The following NRDE2 variants were observed in gnomAD, a reference collection of about 807,000 sequenced individuals.
The protein encoded by NRDE2 is NRDE-2, necessary for RNA interference, domain containing, also known as nuclear exosome regulator NRDE2.
Under a neutral mutation model 124.2 loss-of-function variants are expected in NRDE2, and 76 were observed. The ratio of observed to expected loss-of-function variants is 0.61; its 90% CI spans 0.51 to 0.74. NRDE2 has a LOEUF of 0.74. NRDE2 is among the 30% of genes least tolerant of loss of function. The pLI is 0.00. For missense variants in NRDE2, 1,314 were observed against 1,417.3 expected (o/e 0.93, Z 1.17); for synonymous variants, 489 against 528.1 (o/e 0.93, Z 1.01).
At position 90,303,849 on chromosome 14, in the gene NRDE2, G is replaced by T. The variant is rs1386667992; in HGVS notation, c.1005+86C>A. On this transcript the variant is annotated intron_variant, in intron 5 of 13. Transcript: ENST00000354366. ...TGCCCAGTGTCAAATTTCCTCATTT[G>T]CTCAAAAATTGCTGCACAGTCCATC... 10 of 1,209,366 alleles carry T rather than the reference G, an allele frequency of 8.3e-6. No individual in the cohort carries two copies. The Admixed American group carries it at 1.6e-4, about 19-fold the overall frequency. 74.9% of individuals were successfully genotyped at this position (1,209,366 alleles called of 1,614,324 possible). A position where few individuals can be genotyped will look rare whatever the true frequency, so the allele number is the denominator to read the frequency against.
intron 4 of NRDE2, among the ~76,000 whole-genome samples, chr14:90,308,088 T>C (rs553870225): frequency 6.6e-6 from 1 of 152,158 alleles, no homozygotes; most frequent in Non-Finnish European, 1.5e-5. Context: ...GTCTGCCATA[T>C]AGTAAGGGTT....
At chr14:90,307,648 G>A (rs577200864) in intron 4 of NRDE2, among the ~76,000 whole-genome samples, 1 of 152,196 alleles carries the variant, frequency 6.6e-6, no homozygotes, top group South Asian at 2.1e-4. Flanking sequence ...GGCCAAGGTG[G>A]GCGGATCACA....
At position 90,288,837 on chromosome 14, in the gene NRDE2, A is replaced by G; in HGVS notation, c.2538T>C (p.Ala846=). ...CAGTCAGCTTGGTTAATATGTGAAC[A>G]GCTCGAGCTGTGGCAGCCCTTCTCA... ...PEVRRAATAR[A]VHILTKLTES... Residue 846 remains alanine, a synonymous_variant, in exon 11 of 14, where the codon GCT becomes GCC. Coordinates refer to ENST00000354366, the MANE Select transcript of NRDE2 (RefSeq NM_017970.4). The G allele has an allele frequency of 1.2e-6, 2 of 1,614,138 alleles. No homozygotes were observed. The highest frequency in any genetic ancestry group is 1.7e-6 in the Non-Finnish European group (2 of 1,180,030).
rs748457605 is a variant in NRDE2 at position 90,304,075 on chromosome 14, G to C, written c.865C>G (p.Pro289Ala). 13 of 1,614,208 alleles carry C rather than the reference G, an allele frequency of 8.1e-6. No individual in the cohort carries two copies. In the South Asian group the frequency reaches 1.4e-4, roughly 18 times the overall value. The change falls in exon 5 of 14, where the codon CCA (proline) becomes GCA (alanine). Residue 289 changes from proline (P) to alanine (A), a missense_variant. By Grantham distance (27) the Pro-to-Ala change is conservative. Coordinates refer to ENST00000354366, the MANE Select transcript of NRDE2 (RefSeq NM_017970.4). The part of the protein sequence containing the change: ...TTHWLQGQGP[P>A]EQESKQPDAQ... Reference sequence around the variant, plus strand: ...TCTGGCTGCTTTGATTCCTGCTCTGGAGGACCCTGTCCTTGTAGCCAATGT... The same window carrying C: ...TCTGGCTGCTTTGATTCCTGCTCTGCAGGACCCTGTCCTTGTAGCCAATGT...
chr14:90,271,489 A>G lies in NRDE2; in HGVS notation c.*6847T>C, dbSNP rs1340821674. 3.9e-5 allele frequency: 6 copies of G among 152,212 alleles called. No individual in the cohort carries two copies. Among genetic ancestry groups the G allele is most frequent in the Admixed American group, 6.5e-5 (1 of 15,284 alleles). The allele number at this position is 152,212 out of a possible 1,614,324, so 9.4% of individuals were successfully genotyped here. ...ATTACTGAGAAATTAAATATATTGG[A>G]ATAAATGCTATACTCTGTAGTATTA... On this transcript the variant is annotated 3_prime_UTR_variant, in exon 14 of 14. Coordinates refer to ENST00000354366, the MANE Select transcript of NRDE2 (RefSeq NM_017970.4).
rs531373833 is a variant in NRDE2 at position 90,273,921 on chromosome 14, G to GTGA, written c.*4412_*4414dup. On this transcript the variant is annotated 3_prime_UTR_variant, in exon 14 of 14. Transcript: ENST00000354366. ...GCCTTTTCTATTCTTATGGATCCTT[G>GTGA]TGATTGCATTGGACCCATGCAGATG... is the stretch of plus-strand genomic sequence containing the variant. 10 of 154,980 alleles carry GTGA rather than the reference G, an allele frequency of 6.5e-5. No individual in the cohort carries two copies. Among genetic ancestry groups the GTGA allele is most frequent in the African/African-American group, 2.2e-4 (9 of 41,662 alleles). The allele number at this position is 154,980 out of a possible 1,614,324, so 9.6% of individuals were successfully genotyped here.
chr14:90,324,145 C>T (rs1218237009), intron 1 of NRDE2, among the ~76,000 whole-genome samples: 2 of 144,630 alleles, frequency 1.4e-5, no homozygotes, highest in Non-Finnish European at 3.1e-5. Context: ...AGGAAATATG[C>T]TCCTAGAAAG....
chr14:90,321,566 A>G (rs955874543), intron 1 of NRDE2, among the ~76,000 whole-genome samples: 1 of 151,454 alleles, frequency 6.6e-6, no homozygotes, highest in African/African-American at 2.4e-5. Context: ...AAAAAAAAAA[A>G]AAGAAAAGAA....
Position 90,269,685 on chromosome 14 carries a change from A to G in NRDE2, c.*8651T>C. ...AACTTAGGATAATTTACAAAAAAAT[A>G]GGTCCTCTTGAGATGAGGGTTAAAA... On this transcript the variant is annotated 3_prime_UTR_variant, in exon 14 of 14. Transcript: ENST00000354366. 1.0e-6 allele frequency: 1 copy of G among 963,622 alleles called. No individual in the cohort carries two copies. The highest frequency in any genetic ancestry group is 2.6e-5 in the Admixed American group (1 of 37,810). The allele number at this position is 963,622 out of a possible 1,614,324, so 59.7% of individuals were successfully genotyped here. A position where few individuals can be genotyped will look rare whatever the true frequency, so the allele number is the denominator to read the frequency against.
At position 90,269,665 on chromosome 14, in the gene NRDE2, AG is replaced by A. The variant is rs1891611366; in HGVS notation, c.*8670del. On this transcript the variant is annotated 3_prime_UTR_variant, in exon 14 of 14. Coordinates refer to ENST00000354366, the MANE Select transcript of NRDE2 (RefSeq NM_017970.4). ...AAAAGCAAATACTGCAGTGAAACTT[AG>A]GATAATTTACAAAAAAATAGGTCCT... 8.4e-7 allele frequency: 1 copy of A among 1,188,908 alleles called. No homozygotes were observed. The highest frequency in any genetic ancestry group is 1.5e-5 in the African/African-American group (1 of 64,900). 73.6% of individuals were successfully genotyped at this position (1,188,908 alleles called of 1,614,324 possible).
Position 90,316,683 on chromosome 14 carries a change from T to C in NRDE2, c.302A>G (p.Lys101Arg). 1.2e-6 allele frequency: 2 copies of C among 1,614,170 alleles called. No individual in the cohort carries two copies. Among genetic ancestry groups the C allele is most frequent in the Non-Finnish European group, 1.7e-6 (2 of 1,180,010 alleles). ...CCTGCTGCTACTCGACGGCCCATGCTTCCTCTTTGTTTTCTTATGATGCTG... is the reference window on the plus strand; with the variant it reads ...CCTGCTGCTACTCGACGGCCCATGCCTCCTCTTTGTTTTCTTATGATGCTG... ...KHQHHKKTKR[K>R]HGPSSSSRSE... Residue 101 changes from lysine to arginine, a missense_variant, in exon 3 of 14, where the codon AAG becomes AGG. Transcript: ENST00000354366.
chr14:90,270,448 G>A lies in NRDE2; in HGVS notation c.*7888C>T. On this transcript the variant is annotated 3_prime_UTR_variant, in exon 14 of 14. Coordinates refer to ENST00000354366, the MANE Select transcript of NRDE2 (RefSeq NM_017970.4). ...CTTGGGATGGTGGTTGGCCTGGACA[G>A]GTGGGTGTCTGTATTTTAATCATCA... 7.5e-7 allele frequency: 1 copy of A among 1,341,568 alleles called. No individual in the cohort carries two copies. Among genetic ancestry groups the A allele is most frequent in the Non-Finnish European group, 1.0e-6 (1 of 1,002,372 alleles). 83.1% of individuals were successfully genotyped at this position (1,341,568 alleles called of 1,614,324 possible). A position where few individuals can be genotyped will look rare whatever the true frequency, so the allele number is the denominator to read the frequency against.
At position 90,301,223 on chromosome 14, in the gene NRDE2, G is replaced by T. The variant is rs200660282; in HGVS notation, c.1545+16C>A. The T allele has an allele frequency of 1.9e-6, 3 of 1,612,396 alleles. No individual in the cohort carries two copies. The highest frequency in any genetic ancestry group is 2.2e-5 in the South Asian group (2 of 90,954). ...AGAGCCAGGAAGAGAGAGATGAGGC[G>T]AGCAGAGCTGGGTACCTGTCCTTTG... On this transcript the variant is annotated intron_variant, in intron 7 of 13. Transcript: ENST00000354366.
chr14:90,289,772 G>A (rs1342421855), intron 10 of NRDE2, among the ~76,000 whole-genome samples: 1 of 152,208 alleles, frequency 6.6e-6, no homozygotes, highest in African/African-American at 2.4e-5. Context: ...ATTTTTAGTA[G>A]AGACGAGGTT....
At chr14:90,279,304 C>T (rs1891890608) in intron 12 of NRDE2, 171 bp from the exon 13 acceptor site, 3 of 604,660 alleles carry the variant, frequency 5.0e-6, no homozygotes, top group Non-Finnish European at 8.8e-6. Flanking sequence ...CCAGGGAGCA[C>T]TCTCAGAAGC....
At chr14:90,302,393 C>T (rs917552845) in intron 6 of NRDE2, among the ~76,000 whole-genome samples, 1 of 152,164 alleles carries the variant, frequency 6.6e-6, no homozygotes, top group Non-Finnish European at 1.5e-5. Context: ...TGGGACCCTA[C>T]AATTGGGTGA....
Position 90,270,208 on chromosome 14 carries a change from C to T in NRDE2, c.*8128G>A, listed in dbSNP as rs1217353583. 2 of 1,613,426 alleles carry T rather than the reference C, an allele frequency of 1.2e-6. No homozygotes were observed. The highest frequency in any genetic ancestry group is 1.7e-6 in the Non-Finnish European group (2 of 1,179,740). On this transcript the variant is annotated 3_prime_UTR_variant, in exon 14 of 14. Coordinates refer to ENST00000354366, the MANE Select transcript of NRDE2 (RefSeq NM_017970.4). ...TCTTTGTACCTGCAGGCCGCATTGA[C>T]AGGAAGATTGAGTTCCCCCTGCCTG...
At chr14:90,331,397 G>A (rs2071293853) in intron 1 of NRDE2, among the ~76,000 whole-genome samples, 1 of 152,156 alleles carries the variant, frequency 6.6e-6, no homozygotes, top group Admixed American at 6.5e-5. Context: ...TAATCCCCTA[G>A]CTCTAGGCCG....
At position 90,275,683 on chromosome 14, in the gene NRDE2, G is replaced by A. The variant is rs1000042076; in HGVS notation, c.*2653C>T. On this transcript the variant is annotated 3_prime_UTR_variant, in exon 14 of 14. Transcript: ENST00000354366. ...AAGTGCAGGGATGCAGGTATGAAGT[G>A]CTTGTGAAATAACAGAATTCCCACA... The A allele has an allele frequency of 6.6e-6, 1 of 152,192 alleles. No homozygotes were observed. The highest frequency in any genetic ancestry group is 1.5e-5 in the Non-Finnish European group (1 of 68,042). The allele number at this position is 152,192 out of a possible 1,614,324, so 9.4% of individuals were successfully genotyped here.
Sources: gnomAD v4.1 joint callset for allele counts (sites outside exome capture counted in the v4.1 genomes callset) on GRCh38, gnomAD v4.1.1 for gene constraint, MANE v1.5 for transcripts, NCBI Gene and HGNC (gene_info 2026-07-23, HGNC 2026-07-21) for gene names.